The following CPSF4 variants were observed in gnomAD, a reference collection of about 807,000 sequenced individuals.
CPSF4 encodes the protein cleavage and polyadenylation specificity factor subunit 4.
In CPSF4, 11 loss-of-function variants were observed where a neutral mutation model predicts 37.7. The observed-to-expected ratio is 0.29, with a 90% confidence interval of 0.18 to 0.48. CPSF4 has a LOEUF of 0.48. CPSF4 is among the 20% of genes least tolerant of loss of function. The pLI, the probability that CPSF4 is intolerant of heterozygous loss-of-function variation, is 0.99. For synonymous variants in CPSF4, 132 were observed against 135.9 expected (o/e 0.97, Z 0.20); for missense variants, 144 against 359.5 (o/e 0.40, Z 4.85).
intron 7 of CPSF4, among the ~76,000 whole-genome samples, chr7:99,454,390 G>A (rs982572528): frequency 6.6e-6 from 1 of 152,254 alleles, no homozygotes; most frequent in Non-Finnish European, 1.5e-5. Flanking sequence ...CTGCAGGCAG[G>A]TGAGGGAAGC....
chr7:99,440,655 C>CATATATATATATATATATATATATATAT (rs1228721219), intron 1 of CPSF4, among the ~76,000 whole-genome samples: 11 of 90,592 alleles, frequency 1.2e-4, no homozygotes, highest in African/African-American at 8.5e-4. Flanking sequence ...CTGCACCTGG[C>CATATATATATATATATATATATATATAT]ATATATATAT....
At chr7:99,444,692 G>T (rs780069701) in intron 1 of CPSF4, 97 bp from the exon 2 acceptor site, 7 of 1,152,550 alleles carry the variant, frequency 6.1e-6, no homozygotes, top group Admixed American at 3.8e-5. Flanking sequence ...ACCCTTGGTG[G>T]GTCAGAGGTC....
chr7:99,453,924 CG>C lies in CPSF4; in HGVS notation c.571-41del, dbSNP rs1562865545. The C allele has an allele frequency of 1.9e-6, 3 of 1,590,906 alleles. No individual in the cohort carries two copies. The Admixed American group carries it at 5.1e-5, about 27-fold the overall frequency. On this transcript the variant is annotated intron_variant, in intron 6 of 7. Coordinates refer to ENST00000292476, the MANE Select transcript of CPSF4 (RefSeq NM_006693.4). This position sits in a 1 kb window ranked among gnomAD's most constrained non-coding sequence, Gnocchi z 4.7. ...TGTCCCCATCGGTAGTCTGCGTGCA[CG>C]TGTTTTCCACAGTAAAACCGTGTTG...
intron 1 of CPSF4, among the ~76,000 whole-genome samples, chr7:99,440,674 A>ATATATATATTTT: frequency 3.4e-5 from 3 of 88,088 alleles, no homozygotes; most frequent in African/African-American, 1.9e-4. Context: ...ATATATATAT[A>ATATATATATTTT]TTTTTTTTTT....
intron 5 of CPSF4, among the ~76,000 whole-genome samples, chr7:99,451,921 C>T (rs1480810443): frequency 6.6e-6 from 1 of 152,228 alleles, no homozygotes; most frequent in East Asian, 1.9e-4. Context: ...GGTCTCACTC[C>T]CTGAATGAGA....
At chr7:99,452,254 A>T (rs1797983960) in intron 5 of CPSF4, 114 bp from the exon 6 acceptor site, 1 of 869,396 alleles carries the variant, frequency 1.2e-6, no homozygotes, top group Non-Finnish European at 1.9e-6. Context: ...GTGCTGGGGC[A>T]GCTGAGTGTG....
rs368858129 is a variant in CPSF4, at chr7:99,448,280, C to T, written c.307+7C>T. On this transcript the variant is annotated splice_region_variant and intron_variant, in intron 3 of 7. Transcript: ENST00000292476. The surrounding 1 kb of genome is among the most constrained non-coding windows in gnomAD (Gnocchi z 4.4). The stretch of plus-strand genomic sequence containing the variant: ...TACTTCTACTCCAAGTTCGGTAAGG[C>T]GCCTGGAGCCCTGGAGGCTCTGCTG... 8.1e-6 allele frequency: 13 copies of T among 1,613,616 alleles called. No individual in the cohort carries two copies. Among genetic ancestry groups the T allele is most frequent in the African/African-American group, 4.0e-5 (3 of 74,892 alleles).
At chr7:99,451,920 C>T (rs559917548) in intron 5 of CPSF4, among the ~76,000 whole-genome samples, 102 of 152,334 alleles carry the variant, frequency 6.7e-4, no homozygotes, top group Non-Finnish European at 1.3e-3. Context: ...GGGTCTCACT[C>T]CCTGAATGAG....
intron 1 of CPSF4, 150 bp downstream of exon 1, chr7:99,439,335 C>T (rs1796667234): frequency 1.0e-5 from 6 of 572,338 alleles, no homozygotes; most frequent in Admixed American, 3.5e-5. Flanking sequence ...CAGGACTCCT[C>T]CCTCTAGGTC....
chr7:99,444,796 C>G lies in CPSF4; in HGVS notation c.111C>G (p.Gly37=), dbSNP rs769057045. The stretch of plus-strand genomic sequence containing the variant: ...TTTCTCTCCTTTCTACAGAGTCGGG[C>G]GCTGCTGTCTGTGAATTCTTTTTGA... ...PLPFPGMDKS[G]AAVCEFFLKA... is the part of the protein sequence containing the mutation. Residue 37 remains glycine (G), a synonymous_variant, in exon 2 of 8, where the codon GGC becomes GGG. Coordinates refer to ENST00000292476, the MANE Select transcript of CPSF4 (RefSeq NM_006693.4). 1 of 1,613,648 alleles carries G rather than the reference C, an allele frequency of 6.2e-7. No individual in the cohort carries two copies. Among genetic ancestry groups the G allele is most frequent in the Non-Finnish European group, 8.5e-7 (1 of 1,179,718 alleles).
intron 4 of CPSF4, 158 bp from the exon 5 acceptor site, chr7:99,450,544 T>C: frequency 4.0e-6 from 3 of 757,128 alleles, no homozygotes; most frequent in Non-Finnish European, 6.7e-6. Context: ...GCTGGGTGGG[T>C]GGTGGTCCAC....
intron 1 of CPSF4, among the ~76,000 whole-genome samples, chr7:99,443,788 G>T (rs115563080): frequency 0.011 from 1,624 of 152,092 alleles, 17 homozygotes; most frequent in African/African-American, 0.037. Context: ...AGGCATGATG[G>T]TACACCTATA....
Position 99,448,462 on chromosome 7 carries a change from T to C in CPSF4, c.307+189T>C, listed in dbSNP as rs1440253913. 6 of 400,478 alleles carry C rather than the reference T, an allele frequency of 1.5e-5. No homozygotes were observed. The highest frequency in any genetic ancestry group is 4.4e-5 in the Admixed American group (1 of 22,554). 24.8% of individuals were successfully genotyped at this position (400,478 alleles called of 1,614,324 possible). ...TGTGGCTATTTTCTGCTCATCTCTT[T>C]TTTTTTTTTTTTTTTTTTAAAGACA... is the stretch of plus-strand genomic sequence containing the variant. On this transcript the variant is annotated intron_variant, in intron 3 of 7. Coordinates refer to ENST00000292476, the MANE Select transcript of CPSF4 (RefSeq NM_006693.4). This position sits in a 1 kb window ranked among gnomAD's most constrained non-coding sequence, Gnocchi z 4.4.
chr7:99,444,348 T>C (rs1049292927), intron 1 of CPSF4, among the ~76,000 whole-genome samples: 1 of 152,050 alleles, frequency 6.6e-6, no homozygotes, highest in Non-Finnish European at 1.5e-5. Context: ...TCCCAGCTAC[T>C]TGGGAGGCTG....
At chr7:99,444,457 C>CA (rs369493060) in intron 1 of CPSF4, among the ~76,000 whole-genome samples, 3,867 of 144,086 alleles carry the variant, frequency 0.027, 62 homozygotes, top group Middle Eastern at 0.083. Flanking sequence ...AACCCCATCT[C>CA]AAAAAAAAAA....
In CPSF4 at chr7:99,457,107, G is replaced by C. The variant is rs548881756; in HGVS notation, c.*607G>C. 5.5e-6 allele frequency: 1 copy of C among 182,332 alleles called. No individual in the cohort carries two copies. The highest frequency in any genetic ancestry group is 1.1e-4 in the South Asian group (1 of 8,706). 11.3% of individuals were successfully genotyped at this position (182,332 alleles called of 1,614,324 possible). On this transcript the variant is annotated 3_prime_UTR_variant, in exon 8 of 8. Transcript: ENST00000292476. ...CTTCTCTGGGCTTAATTTTCTCTTG[G>C]GGTACGTGCCTGACAGTGTTTAAGG... is the stretch of plus-strand genomic sequence containing the variant.
chr7:99,440,674 A>ATATATATTTTTTTTTT, intron 1 of CPSF4, among the ~76,000 whole-genome samples: 3 of 88,128 alleles, frequency 3.4e-5, no homozygotes, highest in East Asian at 3.4e-4. Flanking sequence ...ATATATATAT[A>ATATATATTTTTTTTTT]TTTTTTTTTT....
At chr7:99,451,395 A>G (rs752554156) in intron 5 of CPSF4, among the ~76,000 whole-genome samples, 1 of 152,228 alleles carries the variant, frequency 6.6e-6, no homozygotes, top group Non-Finnish European at 1.5e-5. Flanking sequence ...TCACGAGGTC[A>G]GGAGTTCGAG....
chr7:99,443,053 G>A (rs1427827868), intron 1 of CPSF4: 1 of 1,128,232 alleles, frequency 8.9e-7, no homozygotes, highest in Admixed American at 1.7e-5. Flanking sequence ...CCAAATCTTT[G>A]AGCTCTTTCC....
Sources: allele counts gnomAD v4.1 joint callset (sites outside exome capture counted in the v4.1 genomes callset), GRCh38; gene constraint gnomAD v4.1.1; non-coding constraint Gnocchi (gnomAD v3.1); transcripts MANE v1.5; gene names NCBI Gene and HGNC (gene_info 2026-07-23, HGNC 2026-07-21).